LMX1A: variants seen among roughly 807,000 people sequenced by gnomAD.
LMX1A encodes the protein LIM homeobox transcription factor 1 alpha.
In LMX1A, 15 loss-of-function variants were observed where a neutral mutation model predicts 49.1. The observed-to-expected ratio is 0.31, with a 90% confidence interval of 0.20 to 0.47. The LOEUF is 0.47. Ranked by LOEUF, LMX1A falls within the 20% of genes least tolerant of loss-of-function variation. The pLI is 1.00. For synonymous variants in LMX1A, 167 were observed against 185.7 expected, an observed-to-expected ratio of 0.90 and a Z score of 0.82; for missense variants, 372 against 475.8, an observed-to-expected ratio of 0.78 and a Z score of 2.03.
intron 4 of LMX1A, among the ~76,000 whole-genome samples, chr1:165,244,468 T>C (rs897523590): frequency 3.9e-5 from 6 of 152,066 alleles, no homozygotes; most frequent in African/African-American, 1.4e-4. Context: ...ACCTGTGGGA[T>C]CTGATGTTAC....
rs1656587088 is a variant in LMX1A at position 165,355,738 on chromosome 1, A to C, written c.-22-157T>G. ...AGCCAAGAGAATGTAGGGTGGGAGG[A>C]GAGATCAGTCACAGCGAACTGCTCT... On this transcript the variant is annotated intron_variant, in intron 1 of 8. Coordinates refer to ENST00000342310, the MANE Select transcript of LMX1A (RefSeq NM_177398.4). The surrounding 1 kb of genome is among the most constrained non-coding windows in gnomAD (Gnocchi z 4.7). The C allele has an allele frequency of 3.2e-6, 2 of 619,252 alleles. No homozygotes were observed. The highest frequency in any genetic ancestry group is 5.8e-6 in the Non-Finnish European group (2 of 347,424). The allele number at this position is 619,252 out of a possible 1,614,324, so 38.4% of individuals were successfully genotyped here.
intron 3 of LMX1A, among the ~76,000 whole-genome samples, chr1:165,329,929 A>G (rs1356106237): frequency 1.3e-5 from 2 of 152,242 alleles, no homozygotes; most frequent in African/African-American, 2.4e-5. Flanking sequence ...TCAGGGTTCC[A>G]GTGCTGGCTC....
intron 5 of LMX1A, among the ~76,000 whole-genome samples, chr1:165,212,565 G>C (rs1571149483): frequency 6.6e-6 from 1 of 152,100 alleles, no homozygotes; most frequent in East Asian, 1.9e-4. Context: ...AAGGATGCAG[G>C]AAAAATAATG....
intron 3 of LMX1A, among the ~76,000 whole-genome samples, chr1:165,328,048 AG>A (rs1248856281): frequency 3.9e-5 from 6 of 152,276 alleles, no homozygotes; most frequent in African/African-American, 1.4e-4. Context: ...TAGTGGGGAA[AG>A]AAAGAACAAT....
chr1:165,348,816 C>T (rs1656328859), intron 3 of LMX1A, among the ~76,000 whole-genome samples: 1 of 152,186 alleles, frequency 6.6e-6, no homozygotes, highest in Non-Finnish European at 1.5e-5. Context: ...GTCGTTTTCA[C>T]CACAGGGCTG....
At chr1:165,259,188 A>AC (rs1374103761) in intron 3 of LMX1A, among the ~76,000 whole-genome samples, 1 of 152,214 alleles carries the variant, frequency 6.6e-6, no homozygotes, top group African/African-American at 2.4e-5. Flanking sequence ...TCAAACTTCA[A>AC]CCAGCCTTTC....
chr1:165,355,431 T>G lies in LMX1A; in HGVS notation c.76+53A>C. The G allele has an allele frequency of 6.3e-7, 1 of 1,579,180 alleles. No homozygotes were observed. The highest frequency in any genetic ancestry group is 8.7e-7 in the Non-Finnish European group (1 of 1,151,368). ...GTCCCAGAGAGCGGGGCTCCAGAGC[T>G]CAGCGCCAAGCGGAAAGAGAGTGCG... On this transcript the variant is annotated intron_variant, in intron 2 of 8. Coordinates refer to ENST00000342310, the MANE Select transcript of LMX1A (RefSeq NM_177398.4). This position sits in a 1 kb window ranked among gnomAD's most constrained non-coding sequence, Gnocchi z 4.7.
chr1:165,333,456 GC>G (rs765789887), intron 3 of LMX1A, among the ~76,000 whole-genome samples: 81 of 152,196 alleles, frequency 5.3e-4, no homozygotes, highest in Admixed American at 9.8e-4. Flanking sequence ...ACTGTGCTAG[GC>G]CCCCTTTTCT....
chr1:165,337,367 A>G (rs112431262), intron 3 of LMX1A, among the ~76,000 whole-genome samples: 74 of 152,342 alleles, frequency 4.9e-4, no homozygotes, highest in Middle Eastern at 3.4e-3. Flanking sequence ...ATGAAAAATG[A>G]TAATAATCTG....
intron 3 of LMX1A, among the ~76,000 whole-genome samples, chr1:165,317,294 C>T (rs1185672067): frequency 6.6e-6 from 1 of 152,060 alleles, no homozygotes; most frequent in Non-Finnish European, 1.5e-5. Flanking sequence ...CCAATGATTC[C>T]AACTATGGGA....
intron 3 of LMX1A, among the ~76,000 whole-genome samples, chr1:165,301,890 A>G (rs540074586): frequency 1.5e-4 from 23 of 152,100 alleles, no homozygotes; most frequent in Middle Eastern, 3.4e-3. Context: ...ACTTGGTTCC[A>G]CTTAAGTTTA....
At chr1:165,281,123 C>T (rs144383663) in intron 3 of LMX1A, among the ~76,000 whole-genome samples, 53 of 152,140 alleles carry the variant, frequency 3.5e-4, no homozygotes, top group African/African-American at 1.2e-3. Context: ...CCTTCTTCCC[C>T]ATAAAATGAG....
At chr1:165,241,877 C>A (rs1652668453) in intron 4 of LMX1A, among the ~76,000 whole-genome samples, 1 of 152,030 alleles carries the variant, frequency 6.6e-6, no homozygotes, top group African/African-American at 2.4e-5. Flanking sequence ...GAGAGCATGG[C>A]CCAGAAGAGG....
At chr1:165,351,619 G>T (rs1656431295) in intron 3 of LMX1A, among the ~76,000 whole-genome samples, 1 of 152,048 alleles carries the variant, frequency 6.6e-6, no homozygotes, top group Admixed American at 6.6e-5. Flanking sequence ...TCTGAAAAAA[G>T]CCAAGCTATT....
chr1:165,285,328 G>T lies in LMX1A; in HGVS notation c.264-35688C>A, dbSNP rs992707435. Among the ~76,000 whole-genome samples the T allele has an allele frequency of 4.6e-5, 7 of 152,316 alleles. No individual in the cohort carries two copies. The East Asian group carries it at 1.2e-3, about 25-fold the overall frequency. On this transcript the variant is annotated intron_variant, in intron 3 of 8. Transcript: ENST00000342310. ...GTAGGATGAGTTTCAGCTATAAAAT[G>T]AGACCCATTCAGACTGTGTTTGAAA...
At chr1:165,266,822 C>T (rs1277252603) in intron 3 of LMX1A, among the ~76,000 whole-genome samples, 3 of 151,850 alleles carry the variant, frequency 2.0e-5, no homozygotes, top group Non-Finnish European at 2.9e-5. Context: ...AGGGTGGTCT[C>T]GATCTCCTGA....
intron 3 of LMX1A, among the ~76,000 whole-genome samples, chr1:165,336,791 C>T (rs1222633352): frequency 6.6e-6 from 1 of 152,142 alleles, no homozygotes; most frequent in African/African-American, 2.4e-5. Context: ...CTATTCCAGG[C>T]ATCAGACTTG....
At chr1:165,243,536 C>T (rs1231113359) in intron 4 of LMX1A, among the ~76,000 whole-genome samples, 1 of 152,140 alleles carries the variant, frequency 6.6e-6, no homozygotes, top group East Asian at 1.9e-4. Flanking sequence ...AGATAGAAAA[C>T]AGAAAGTCTG....
rs1406403710 is a variant in LMX1A at position 165,202,167 on chromosome 1, C to T, written c.*1713G>A. 3.3e-5 allele frequency: 5 copies of T among 152,710 alleles called. 1 individual carries two copies. Among genetic ancestry groups the T allele is most frequent in the Admixed American group, 3.3e-4 (5 of 15,294 alleles). The allele number at this position is 152,710 out of a possible 1,614,324, so 9.5% of individuals were successfully genotyped here. On this transcript the variant is annotated 3_prime_UTR_variant, in exon 9 of 9. Transcript: ENST00000342310. Reference sequence around the variant, plus strand: ...GGGACGTGTCTCTGTGTTCAAGTCTCCAATGATGTCCCCAGAAATGAGGCC... The same window carrying T: ...GGGACGTGTCTCTGTGTTCAAGTCTTCAATGATGTCCCCAGAAATGAGGCC...
Sources: allele counts gnomAD v4.1 joint callset (sites outside exome capture counted in the v4.1 genomes callset), GRCh38; gene constraint gnomAD v4.1.1; non-coding constraint Gnocchi (gnomAD v3.1); transcripts MANE v1.5; gene names NCBI Gene and HGNC (gene_info 2026-07-23, HGNC 2026-07-21).